EMC1: variants seen among roughly 807,000 people sequenced by gnomAD.
EMC1 encodes KIAA0090.
EMC1 carries 103 observed loss-of-function variants against 128.8 expected under a neutral mutation model. That is an observed-to-expected ratio of 0.80 (90% CI 0.68 to 0.94). The LOEUF is 0.94. Among genes scored for constraint, EMC1 ranks in the 40% least tolerant of loss-of-function variants. The pLI is 0.00. For synonymous variants in EMC1, 442 were observed against 490.4 expected (o/e 0.90, Z 1.30); for missense variants, 1,083 against 1,250.6 (o/e 0.87, Z 2.02).
At position 19,233,136 on chromosome 1, in the gene EMC1, C is replaced by G. The variant is rs1426917988; in HGVS notation, c.1433-1G>C. 1 of 1,613,150 alleles carries G rather than the reference C, an allele frequency of 6.2e-7. No individual in the cohort carries two copies. Among genetic ancestry groups the G allele is most frequent in the Non-Finnish European group, 8.5e-7 (1 of 1,179,496 alleles). ...TTCAGGAACATCCCCAGCAAGCCATCTGGTGTAAAGGAAAAGTAACATACT... is the reference window on the plus strand; with the variant it reads ...TTCAGGAACATCCCCAGCAAGCCATGTGGTGTAAAGGAAAAGTAACATACT... On this transcript the variant is annotated splice_acceptor_variant, in intron 13 of 22. Transcript: ENST00000477853. LOFTEE classifies it high-confidence loss of function.
chr1:19,230,733 G>T, intron 17 of EMC1, 111 bp downstream of exon 17: 1 of 1,358,254 alleles, frequency 7.4e-7, no homozygotes. Context: ...TCAGGATTAT[G>T]CTAATCTAAG....
intron 20 of EMC1, 135 bp from the exon 21 acceptor site, chr1:19,220,983 A>G: frequency 1.8e-6 from 1 of 564,276 alleles, no homozygotes; most frequent in Non-Finnish European, 3.2e-6. Flanking sequence ...TTACATAGCC[A>G]AAAATAATAA....
intron 1 of EMC1, among the ~76,000 whole-genome samples, chr1:19,246,422 A>G (rs1024840992): frequency 6.6e-6 from 1 of 152,132 alleles, no homozygotes; most frequent in Admixed American, 6.6e-5. Flanking sequence ...CTGTTGTTTT[A>G]TCTGGATATA....
Position 19,241,145 on chromosome 1 carries a change from A to G in EMC1, c.510-3T>C. The G allele has an allele frequency of 6.2e-7, 1 of 1,614,022 alleles. No homozygotes were observed. Among genetic ancestry groups the G allele is most frequent in the Non-Finnish European group, 8.5e-7 (1 of 1,179,956 alleles). On this transcript the variant is annotated splice_region_variant and splice_polypyrimidine_tract_variant and intron_variant, in intron 5 of 22. Transcript: ENST00000477853. ...CCATCTGGTAGTGGATGCTGTCACT[A>G]AGAGAGGGAAGAAGAAACCGCAGCG...
chr1:19,241,474 T>C (rs988042940), intron 5 of EMC1, among the ~76,000 whole-genome samples: 4 of 152,172 alleles, frequency 2.6e-5, no homozygotes, highest in Admixed American at 1.3e-4. Flanking sequence ...ATCCAGCCAG[T>C]GTTGCTCATG....
chr1:19,243,466 G>A, intron 4 of EMC1, 148 bp downstream of exon 4: 1 of 693,132 alleles, frequency 1.4e-6, no homozygotes, highest in Non-Finnish European at 2.6e-6. Context: ...GGCTGAGCAA[G>A]CATATCCACA....
intron 8 of EMC1, 183 bp downstream of exon 8, chr1:19,239,635 C>T: frequency 3.2e-6 from 2 of 622,614 alleles, no homozygotes; most frequent in Non-Finnish European, 5.6e-6. Flanking sequence ...CTTTGTAATA[C>T]TCAGGAGGAA....
rs1327743444 is a variant in EMC1, at chr1:19,237,201, ACT to A, written c.1248_1249del (p.Val417GlyfsTer29). 2 of 1,613,976 alleles carry A rather than the reference ACT, an allele frequency of 1.2e-6. No individual in the cohort carries two copies. The highest frequency in any genetic ancestry group is 1.3e-5 in the African/African-American group (1 of 74,904). ...TGTCTGCACCAAAGCCCGGTAGCCC[ACT>A]GAGTCATCCTTCTTCAAGAACACCT... On this transcript the variant is annotated frameshift_variant, in exon 12 of 23. Coordinates refer to ENST00000477853, the MANE Select transcript of EMC1 (RefSeq NM_015047.3). LOFTEE classifies it high-confidence loss of function.
At position 19,238,064 on chromosome 1, in the gene EMC1, T is replaced by A. The variant is rs761451644; in HGVS notation, c.1165A>T (p.Thr389Ser). ...TGTTCCAGGCTAAATGTTATCGTGGTGTCCAGCAGCCGCCGACCTGTCTCC... is the reference window on the plus strand; with the variant it reads ...TGTTCCAGGCTAAATGTTATCGTGGAGTCCAGCAGCCGCCGACCTGTCTCC... ...LVETGRRLLD[T>S]TITFSLEQSG... Residue 389 changes from threonine to serine, a missense_variant, in exon 11 of 23, where the codon ACC (threonine) becomes TCC (serine). By Grantham distance (58) the Thr-to-Ser change is moderately conservative. Coordinates refer to ENST00000477853, the MANE Select transcript of EMC1 (RefSeq NM_015047.3). The A allele has an allele frequency of 1.9e-6, 3 of 1,614,106 alleles. No individual in the cohort carries two copies. The Admixed American group carries it at 5.0e-5, about 27-fold the overall frequency.
Position 19,231,361 on chromosome 1 carries a change from G to C in EMC1, c.1844C>G (p.Ala615Gly), listed in dbSNP as rs966605939. 2 of 1,612,618 alleles carry C rather than the reference G, an allele frequency of 1.2e-6. No homozygotes were observed. The highest frequency in any genetic ancestry group is 1.7e-6 in the Non-Finnish European group (2 of 1,179,672). The change falls in exon 16 of 23, where the codon GCT becomes GGT. Residue 615 changes from alanine (A) to glycine (G), a missense_variant. Transcript: ENST00000477853. ...NPIFGKWSQV[A>G]PPVLKRPILQ... ...GATGGGGCGCTTCAGCACTGGGGGA[G>C]CTACCTGACTCCACTTCCCAAAAAT...
In EMC1 at chr1:19,215,902, TG is replaced by T. The variant is rs1320812621; in HGVS notation, c.*3400del. 1 of 152,160 alleles carries T rather than the reference TG, an allele frequency of 6.6e-6. No homozygotes were observed. The highest frequency in any genetic ancestry group is 1.5e-5 in the Non-Finnish European group (1 of 68,040). 9.4% of individuals were successfully genotyped at this position (152,160 alleles called of 1,614,324 possible). A position where few individuals can be genotyped will look rare whatever the true frequency, so the allele number is the denominator to read the frequency against. On this transcript the variant is annotated 3_prime_UTR_variant, in exon 23 of 23. Transcript: ENST00000477853. The stretch of plus-strand genomic sequence containing the variant: ...TCAGGTTTCACCATGTTGGCCAGGC[TG>T]GTCTTAAACTCCTGACCTCAAATGA...
chr1:19,223,310 C>T, intron 19 of EMC1, 86 bp downstream of exon 19: 1 of 1,299,578 alleles, frequency 7.7e-7, no homozygotes, highest in Non-Finnish European at 1.1e-6. Context: ...CTAAGAAAAC[C>T]AAAGCAGCAA....
At chr1:19,245,474 T>C (rs1056120123) in intron 1 of EMC1, among the ~76,000 whole-genome samples, 1 of 152,100 alleles carries the variant, frequency 6.6e-6, no homozygotes, top group African/African-American at 2.4e-5. Context: ...TGAAGAGCTC[T>C]GACCAAAAGC....
intron 12 of EMC1, 24 bp from the exon 13 acceptor site, chr1:19,235,276 C>G: frequency 6.2e-7 from 1 of 1,604,752 alleles, no homozygotes; most frequent in East Asian, 2.2e-5. Context: ...TTTTACAAAG[C>G]TAAGCCTGGG....
At chr1:19,224,187 A>C (rs951046643) in intron 18 of EMC1, among the ~76,000 whole-genome samples, 1 of 152,238 alleles carries the variant, frequency 6.6e-6, no homozygotes, top group Non-Finnish European at 1.5e-5. Context: ...GGAACACATC[A>C]GAAAGCTCTC....
At chr1:19,244,799 T>C (rs1222016119) in intron 2 of EMC1, 107 bp downstream of exon 2, 1 of 1,292,658 alleles carries the variant, frequency 7.7e-7, no homozygotes, top group Admixed American at 2.0e-5. Context: ...AGGAGAGGCA[T>C]CTTTTGGCCA....
rs2093519378 is a variant in EMC1, at chr1:19,231,245, C to G, written c.1944+16G>C. 1 of 1,582,732 alleles carries G rather than the reference C, an allele frequency of 6.3e-7. No individual in the cohort carries two copies. The highest frequency in any genetic ancestry group is 8.5e-7 in the Non-Finnish European group (1 of 1,170,642). Reference sequence around the variant, plus strand: ...GACTCCGCTAGCATGTTCTCCATCCCCTCTGAAGACAGTACCTTGTATTCA... The same window carrying G: ...GACTCCGCTAGCATGTTCTCCATCCGCTCTGAAGACAGTACCTTGTATTCA... On this transcript the variant is annotated intron_variant, in intron 16 of 22. Coordinates refer to ENST00000477853, the MANE Select transcript of EMC1 (RefSeq NM_015047.3).
intron 4 of EMC1, 35 bp from the exon 5 acceptor site, chr1:19,242,508 C>A: frequency 6.2e-7 from 1 of 1,613,020 alleles, no homozygotes; most frequent in Non-Finnish European, 8.5e-7. Flanking sequence ...CAGCCCACAC[C>A]TGCAGAGCCT....
chr1:19,246,488 A>G (rs1192477075), intron 1 of EMC1, among the ~76,000 whole-genome samples: 1 of 152,060 alleles, frequency 6.6e-6, no homozygotes. Flanking sequence ...ACTTATAACA[A>G]TTTAAAAATC....
Sources: gnomAD v4.1 joint callset for allele counts (sites outside exome capture counted in the v4.1 genomes callset) on GRCh38, gnomAD v4.1.1 for gene constraint, MANE v1.5 for transcripts, NCBI Gene and HGNC (gene_info 2026-07-23, HGNC 2026-07-21) for gene names.